RAD9B: variants seen among roughly 807,000 people sequenced by gnomAD.
RAD9B encodes the protein RAD9 checkpoint clamp component B, also known as cell cycle checkpoint control protein RAD9B.
Under a neutral mutation model 48.3 loss-of-function variants are expected in RAD9B, and 41 were observed. The observed-to-expected ratio is 0.85, with a 90% CI of 0.66 to 1.10. The LOEUF (loss-of-function observed/expected upper bound fraction) is 1.10. Ranked by LOEUF, RAD9B falls within the 50% of genes least tolerant of loss-of-function variation. The pLI is 0.00. For synonymous variants in RAD9B, 160 were observed against 157.9 expected (o/e 1.01, Z -0.10); for missense variants, 444 against 485.1 (o/e 0.92, Z 0.80).
chr12:110,504,138 G>GTTTT (rs200389242), intron 2 of RAD9B, among the ~76,000 whole-genome samples: 13 of 139,486 alleles, frequency 9.3e-5, no homozygotes, highest in African/African-American at 3.4e-4. Flanking sequence ...GGCCTGCACT[G>GTTTT]TTTTTTTTTT....
intron 1 of RAD9B, 39 bp from the exon 2 acceptor site, chr12:110,503,767 G>A: frequency 6.9e-7 from 1 of 1,440,986 alleles, no homozygotes; most frequent in South Asian, 1.2e-5. Flanking sequence ...TATTGTTAGA[G>A]GGAAAGAATA....
chr12:110,530,522 C>T lies in RAD9B; in HGVS notation c.1126-3C>T, dbSNP rs1165084670. 3.1e-6 allele frequency: 5 copies of T among 1,611,266 alleles called. No homozygotes were observed. Among genetic ancestry groups the T allele is most frequent in the Non-Finnish European group, 4.2e-6 (5 of 1,179,194 alleles). ...AACAATGCAGTTCCTTTTTTCCCTCCAGTTTTCTTGCATGTTCTTTGGAGC... is the reference window on the plus strand; with the variant it reads ...AACAATGCAGTTCCTTTTTTCCCTCTAGTTTTCTTGCATGTTCTTTGGAGC... On this transcript the variant is annotated splice_polypyrimidine_tract_variant and splice_region_variant and intron_variant, in intron 10 of 10. Transcript: ENST00000409300.
chr12:110,502,836 T>TCTA, intron 1 of RAD9B: 1 of 160,470 alleles, frequency 6.2e-6, no homozygotes, highest in Non-Finnish European at 1.4e-5. Context: ...ACAGGGGTAA[T>TCTA]GACAGCACCT....
intron 2 of RAD9B, among the ~76,000 whole-genome samples, chr12:110,505,107 A>T (rs1263588177): frequency 1.3e-5 from 2 of 152,184 alleles, no homozygotes; most frequent in Non-Finnish European, 2.9e-5. Context: ...ATATGTATTC[A>T]ATATAATATA....
chr12:110,525,197 G>T (rs919260842), intron 10 of RAD9B, among the ~76,000 whole-genome samples: 1 of 151,686 alleles, frequency 6.6e-6, no homozygotes, highest in African/African-American at 2.4e-5. Context: ...TACCATGTTG[G>T]CCAGGATGGT....
chr12:110,516,872 T>C (rs1593075921), intron 6 of RAD9B, among the ~76,000 whole-genome samples: 1 of 152,040 alleles, frequency 6.6e-6, no homozygotes, highest in East Asian at 1.9e-4. Flanking sequence ...TTACTACTTA[T>C]ATAATTGATA....
In RAD9B at chr12:110,515,238, G is replaced by T; in HGVS notation, c.595+82G>T. 4 of 714,806 alleles carry T rather than the reference G, an allele frequency of 5.6e-6. No individual in the cohort carries two copies. In the South Asian group the frequency reaches 7.4e-5, roughly 13 times the overall value. The allele number at this position is 714,806 out of a possible 1,614,324, so 44.3% of individuals were successfully genotyped here. ...TACTAACCATACTGCAAATATTAGT[G>T]ACATAATTTTATTCCTGTCTAAAAA... is the stretch of plus-strand genomic sequence containing the variant. On this transcript the variant is annotated intron_variant, in intron 6 of 10. Transcript: ENST00000409300.
chr12:110,504,714 T>G lies in RAD9B; in HGVS notation c.117+838T>G, dbSNP rs544964604. Among the ~76,000 whole-genome samples the G allele has an allele frequency of 4.6e-5, 7 of 152,114 alleles. No homozygotes were observed. The East Asian group carries it at 1.4e-3, about 30-fold the overall frequency. ...TTTCACACATTAAGGTTAAGGCTCA[T>G]GACTGGGTGTGGTAGTTCACAAATG... On this transcript the variant is annotated intron_variant, in intron 2 of 10. Transcript: ENST00000409300.
intron 5 of RAD9B, among the ~76,000 whole-genome samples, chr12:110,513,849 G>A (rs750685124): frequency 1.8e-4 from 28 of 151,678 alleles, no homozygotes; most frequent in Admixed American, 5.3e-4. Context: ...TCAGCTTCCC[G>A]AGTAGCTGGG....
chr12:110,511,102 G>A (rs2063444933), intron 4 of RAD9B, among the ~76,000 whole-genome samples: 2 of 152,200 alleles, frequency 1.3e-5, no homozygotes, highest in Admixed American at 1.3e-4. Context: ...CTGAAAGAGA[G>A]TAATAGAGAT....
intron 5 of RAD9B, among the ~76,000 whole-genome samples, chr12:110,513,631 G>A (rs2063525532): frequency 6.6e-6 from 1 of 151,068 alleles, no homozygotes; most frequent in Non-Finnish European, 1.5e-5. Flanking sequence ...TTCAGCTGTA[G>A]CATTAAACAT....
At chr12:110,504,409 CA>C (rs1357856118) in intron 2 of RAD9B, among the ~76,000 whole-genome samples, 1 of 146,054 alleles carries the variant, frequency 6.8e-6, no homozygotes, top group Admixed American at 7.2e-5. Flanking sequence ...ATGGAGGTTG[CA>C]GTGAGTGAGC....
intron 4 of RAD9B, among the ~76,000 whole-genome samples, chr12:110,507,700 G>C (rs1174459854): frequency 6.7e-6 from 1 of 149,944 alleles, no homozygotes; most frequent in Non-Finnish European, 1.5e-5. Context: ...GCCCAGGCTG[G>C]AGTGCAATGG....
In RAD9B at chr12:110,511,905, G is replaced by GGT. The variant is rs2063471876; in HGVS notation, c.389-873_389-872insTG. 2.0e-5 allele frequency among the ~76,000 whole-genome samples: 3 copies of GGT among 151,828 alleles called. No individual in the cohort carries two copies. The South Asian group carries it at 6.2e-4, about 31-fold the overall frequency. ...CTCTGTTGTCAGGCTGGAGTGCAGT[G>GGT]GCACGATCTCGGCTCACTGCAACCT... On this transcript the variant is annotated intron_variant, in intron 4 of 10. Transcript: ENST00000409300.
chr12:110,523,780 T>C (rs996632903), intron 10 of RAD9B, among the ~76,000 whole-genome samples: 14 of 152,180 alleles, frequency 9.2e-5, no homozygotes, highest in Non-Finnish European at 5.9e-5. Flanking sequence ...AGAACTTTAA[T>C]CTCCATGAGC....
At chr12:110,516,474 T>C (rs2063602591) in intron 6 of RAD9B, among the ~76,000 whole-genome samples, 1 of 152,138 alleles carries the variant, frequency 6.6e-6, no homozygotes, top group African/African-American at 2.4e-5. Context: ...AGCCTTCTTG[T>C]TGGAGATGAA....
chr12:110,510,583 A>C (rs2063429523), intron 4 of RAD9B, among the ~76,000 whole-genome samples: 1 of 152,158 alleles, frequency 6.6e-6, no homozygotes. Context: ...GGCCTTAGCC[A>C]TCTCAGTTGT....
At chr12:110,524,397 A>C (rs1021971826) in intron 10 of RAD9B, among the ~76,000 whole-genome samples, 5 of 151,392 alleles carry the variant, frequency 3.3e-5, no homozygotes, top group Non-Finnish European at 5.9e-5. Flanking sequence ...CCCTGTCTCT[A>C]CTAAAAATAC....
At chr12:110,528,774 C>A (rs1343483850) in intron 10 of RAD9B, among the ~76,000 whole-genome samples, 1 of 152,228 alleles carries the variant, frequency 6.6e-6, no homozygotes, top group Non-Finnish European at 1.5e-5. Flanking sequence ...GTTGCCCAGG[C>A]TGGAGTGCAG....
Sources: allele counts gnomAD v4.1 joint callset (sites outside exome capture counted in the v4.1 genomes callset), GRCh38; gene constraint gnomAD v4.1.1; transcripts MANE v1.5; gene names NCBI Gene and HGNC (gene_info 2026-07-23, HGNC 2026-07-21).